Variants in NPAS3 observed in about 807,000 individuals in gnomAD.
NPAS3 encodes neuronal PAS domain-containing protein 3.
In NPAS3, 14 loss-of-function variants were observed where a neutral mutation model predicts 73.1. The observed-to-expected ratio is 0.19, with a 90% CI of 0.13 to 0.30. NPAS3 has a LOEUF of 0.30. NPAS3 is among the 10% of genes least tolerant of loss of function. The pLI is 1.00. For missense variants in NPAS3, 1,096 were observed against 1,250.0 expected (o/e 0.88, Z 1.86); for synonymous variants, 620 against 541.5 (o/e 1.14, Z -2.01).
intron 3 of NPAS3, among the ~76,000 whole-genome samples, chr14:33,269,357 C>A (rs1390779839): frequency 1.3e-5 from 2 of 152,062 alleles, no homozygotes; most frequent in African/African-American, 4.8e-5. Flanking sequence ...AAAGATGGAT[C>A]TATGTACTTA....
intron 1 of NPAS3, among the ~76,000 whole-genome samples, chr14:32,999,564 A>G (rs1298318156): frequency 6.6e-6 from 1 of 152,128 alleles, no homozygotes; most frequent in Non-Finnish European, 1.5e-5. Flanking sequence ...CATTTTCTAA[A>G]TGATTACCCA....
At chr14:33,191,752 C>T (rs1026998198) in intron 2 of NPAS3, among the ~76,000 whole-genome samples, 1 of 152,186 alleles carries the variant, frequency 6.6e-6, no homozygotes, top group Non-Finnish European at 1.5e-5. Context: ...AGCAAAACTA[C>T]CAGTGTTCTC....
chr14:33,721,162 T>C (rs1298311576), intron 6 of NPAS3, among the ~76,000 whole-genome samples: 7 of 152,218 alleles, frequency 4.6e-5, no homozygotes, highest in African/African-American at 1.7e-4. Context: ...TGAATTCTTT[T>C]GGTGGAAAGA....
At chr14:33,079,609 CTTTTTTTTTTTTT>C (rs34920021) in intron 2 of NPAS3, among the ~76,000 whole-genome samples, 2 of 56,046 alleles carry the variant, frequency 3.6e-5, no homozygotes, top group Admixed American at 3.2e-4. Flanking sequence ...TGAGCCAGGC[CTTTTTTTTTTTTT>C]TTTTTTTTTT....
In NPAS3 at chr14:33,800,069, G is replaced by C. The variant is rs769133720; in HGVS notation, c.1762G>C (p.Glu588Gln). The C allele has an allele frequency of 1.2e-6, 2 of 1,601,236 alleles. No homozygotes were observed. Among genetic ancestry groups the C allele is most frequent in the South Asian group, 2.2e-5 (2 of 90,330 alleles). Residue 588 changes from glutamate (E) to glutamine (Q), a missense_variant, in exon 12 of 12, where the codon GAG (glutamate) becomes CAG (glutamine). Coordinates refer to ENST00000356141, the Ensembl canonical transcript of NPAS3. This position sits in a 1 kb window ranked among gnomAD's most constrained non-coding sequence, Gnocchi z 6.5. ...CGCCAAGGACTCGGACAGCGCAGGC[G>C]AGGCGGGCGCGCAGGCCTCCAGCAA... is the stretch of plus-strand genomic sequence containing the variant.
intron 7 of NPAS3, among the ~76,000 whole-genome samples, chr14:33,739,641 T>A (rs969148626): frequency 6.6e-6 from 1 of 152,152 alleles, no homozygotes; most frequent in African/African-American, 2.4e-5. Context: ...TTATTTGGAG[T>A]ATCATAGAGC....
chr14:33,542,388 A>C (rs1566986785), intron 4 of NPAS3, among the ~76,000 whole-genome samples: 1 of 152,128 alleles, frequency 6.6e-6, no homozygotes, highest in Non-Finnish European at 1.5e-5. Context: ...TCCACACGTC[A>C]TCTGCCCTTC....
In NPAS3 at chr14:33,572,373, G is replaced by T. The variant is rs571088810; in HGVS notation, c.558+12163G>T. On this transcript the variant is annotated intron_variant, in intron 5 of 11. Transcript: ENST00000356141. ...AAGAAGCCCAAGCAGGTGACTTGAAGAACAAGTGCCCTAACTAACATTTAT... is the reference window on the plus strand; with the variant it reads ...AAGAAGCCCAAGCAGGTGACTTGAATAACAAGTGCCCTAACTAACATTTAT... Among the ~76,000 whole-genome samples, 64 of 152,302 alleles carry T rather than the reference G, an allele frequency of 4.2e-4. 2 individuals carry two copies. The South Asian group carries it at 0.013, about 31-fold the overall frequency.
intron 3 of NPAS3, among the ~76,000 whole-genome samples, chr14:33,354,375 C>T (rs2045233892): frequency 6.6e-6 from 1 of 152,154 alleles, no homozygotes; most frequent in Non-Finnish European, 1.5e-5. Context: ...CTTAAAATGT[C>T]CTCTCTTCTT....
At chr14:33,061,360 G>C (rs1566517276) in intron 2 of NPAS3, among the ~76,000 whole-genome samples, 1 of 152,154 alleles carries the variant, frequency 6.6e-6, no homozygotes, top group African/African-American at 2.4e-5. Flanking sequence ...ATTGAGAAAA[G>C]AGTTAGAAAT....
intron 3 of NPAS3, among the ~76,000 whole-genome samples, chr14:33,340,044 GT>G (rs1406669919): frequency 6.6e-6 from 1 of 152,018 alleles, no homozygotes; most frequent in African/African-American, 2.4e-5. Flanking sequence ...GGCATTTTTA[GT>G]TTTTTTATTC....
intron 3 of NPAS3, among the ~76,000 whole-genome samples, chr14:33,233,487 T>C (rs1350960709): frequency 2.0e-5 from 3 of 152,134 alleles, no homozygotes; most frequent in Non-Finnish European, 4.4e-5. Flanking sequence ...ATGATTCATT[T>C]TAATGTCACC....
At chr14:33,628,399 A>G (rs2058282209) in intron 5 of NPAS3, among the ~76,000 whole-genome samples, 1 of 152,248 alleles carries the variant, frequency 6.6e-6, no homozygotes, top group Admixed American at 6.5e-5. Flanking sequence ...TGAAGAAGGT[A>G]GCATTTGGGG....
At chr14:33,793,817 T>TA in intron 9 of NPAS3, 80 bp from the exon 10 acceptor site, 1 of 1,394,432 alleles carries the variant, frequency 7.2e-7, no homozygotes, top group Non-Finnish European at 9.6e-7. Flanking sequence ...AGGCTTAAGG[T>TA]TTTGCAGAGA....
At chr14:33,125,328 G>T (rs1475479103) in intron 2 of NPAS3, among the ~76,000 whole-genome samples, 3 of 152,100 alleles carry the variant, frequency 2.0e-5, no homozygotes, top group Admixed American at 6.6e-5. Flanking sequence ...CAATAGAAAA[G>T]AGTGAAATTT....
chr14:33,370,099 C>T (rs1395060257), intron 4 of NPAS3, among the ~76,000 whole-genome samples: 1 of 152,112 alleles, frequency 6.6e-6, no homozygotes, highest in African/African-American at 2.4e-5. Context: ...TTTAACACTC[C>T]CCTTCATCCC....
At chr14:33,797,564 A>G in exon 11 of NPAS3, 1 of 1,614,048 alleles carries the variant, frequency 6.2e-7, no homozygotes, top group Non-Finnish European at 8.5e-7. Context: ...GACTCTAAAG[A>G]CACCTCAGGT....
At chr14:33,538,228 T>C (rs1358280433) in intron 4 of NPAS3, among the ~76,000 whole-genome samples, 2 of 152,164 alleles carry the variant, frequency 1.3e-5, no homozygotes, top group African/African-American at 4.8e-5. Context: ...ACAAGGCTTG[T>C]AGCTCAAAGG....
At position 33,289,932 on chromosome 14, in the gene NPAS3, C is replaced by G. The variant is rs1594610599; in HGVS notation, c.385+74506C>G. 2.6e-5 allele frequency among the ~76,000 whole-genome samples: 4 copies of G among 152,164 alleles called. No homozygotes were observed. In the South Asian group the frequency reaches 8.3e-4, roughly 32 times the overall value. Reference sequence around the variant, plus strand: ...GCTGTCACTACCAAGAAATTCCTGTCTGATACGCCCATCTCAGGCTTCAGT... The same window carrying G: ...GCTGTCACTACCAAGAAATTCCTGTGTGATACGCCCATCTCAGGCTTCAGT... On this transcript the variant is annotated intron_variant, in intron 3 of 11. Transcript: ENST00000356141.
Sources: gnomAD v4.1 joint callset for allele counts (sites outside exome capture counted in the v4.1 genomes callset) on GRCh38, gnomAD v4.1.1 for gene constraint, Gnocchi (gnomAD v3.1) non-coding constraint, MANE v1.5 for transcripts, NCBI Gene and HGNC (gene_info 2026-07-23, HGNC 2026-07-21) for gene names.